CFAP20DC: variants seen among roughly 807,000 people sequenced by gnomAD.
CFAP20DC encodes the protein protein CFAP20DC.
Under a neutral mutation model 101.7 loss-of-function variants are expected in CFAP20DC, and 84 were observed. That is an observed-to-expected ratio of 0.83 (90% CI 0.69 to 0.99). The LOEUF is 0.99. CFAP20DC is among the 50% of genes least tolerant of loss of function. The pLI is 0.00. For synonymous variants in CFAP20DC, 359 were observed against 351.2 expected (o/e 1.02, Z -0.25); for missense variants, 1,007 against 970.3 (o/e 1.04, Z -0.50).
At chr3:58,942,618 C>T (rs950678921) in intron 4 of CFAP20DC, among the ~76,000 whole-genome samples, 1 of 152,216 alleles carries the variant, frequency 6.6e-6, no homozygotes, top group Non-Finnish European at 1.5e-5. Flanking sequence ...ACCACCAGGG[C>T]CCTGGGTTTC....
chr3:58,871,363 G>A (rs58323663), intron 7 of CFAP20DC, among the ~76,000 whole-genome samples: 6,479 of 152,088 alleles, frequency 0.043, 460 homozygotes, highest in African/African-American at 0.15. Flanking sequence ...TAGGCAACAA[G>A]GAATCCCTGA....
At chr3:58,737,937 T>C (rs1426728550), downstream of CFAP20DC, among the ~76,000 whole-genome samples, 1 of 152,216 alleles carries the variant, frequency 6.6e-6, no homozygotes, top group Non-Finnish European at 1.5e-5. The surrounding 1 kb of genome is among the most constrained non-coding windows in gnomAD (Gnocchi z 4.1). Context: ...TGACAGGACT[T>C]CTCAATCTGA....
intron 4 of CFAP20DC, among the ~76,000 whole-genome samples, chr3:58,985,232 G>T (rs2086195): frequency 0.099 from 15,084 of 152,088 alleles, 2,474 homozygotes; most frequent in African/African-American, 0.34. Flanking sequence ...TGGGCCAATT[G>T]TGGTTCATTT....
chr3:58,818,707 C>A (rs1349656362), intron 14 of CFAP20DC, among the ~76,000 whole-genome samples: 3 of 119,600 alleles, frequency 2.5e-5, no homozygotes, highest in African/African-American at 1.0e-4. Flanking sequence ...CTTTAACACC[C>A]CACTGTCAAC....
At chr3:58,752,078 C>T (rs1346420113) in intron 16 of CFAP20DC, among the ~76,000 whole-genome samples, 1 of 152,162 alleles carries the variant, frequency 6.6e-6, no homozygotes, top group Non-Finnish European at 1.5e-5. Context: ...GATGGAAACA[C>T]TATCTCAGCA....
chr3:58,835,243 A>G (rs2076659138), intron 13 of CFAP20DC, among the ~76,000 whole-genome samples: 1 of 152,174 alleles, frequency 6.6e-6, no homozygotes, highest in African/African-American at 2.4e-5. Context: ...ATGTACTGTG[A>G]GAAATATGAC....
At chr3:58,862,742 A>G in intron 12 of CFAP20DC, 1 of 971,500 alleles carries the variant, frequency 1.0e-6, no homozygotes, top group Non-Finnish European at 1.2e-6. Context: ...CTATATAGAA[A>G]AGCTTTGTAC....
At chr3:59,047,087 T>A in intron 2 of CFAP20DC, 78 bp downstream of exon 2, 1 of 941,362 alleles carries the variant, frequency 1.1e-6, no homozygotes, top group Non-Finnish European at 1.6e-6. Flanking sequence ...GCTCTGAAAT[T>A]TGATCACGCC....
At chr3:58,800,104 G>A (rs2073577353) in intron 15 of CFAP20DC, among the ~76,000 whole-genome samples, 2 of 152,162 alleles carry the variant, frequency 1.3e-5, no homozygotes, top group Non-Finnish European at 1.5e-5. Context: ...CAAAAGCCAG[G>A]GTAAGCGTAA....
At chr3:58,995,057 C>G (rs764962471) in intron 4 of CFAP20DC, among the ~76,000 whole-genome samples, 1 of 152,086 alleles carries the variant, frequency 6.6e-6, no homozygotes, top group Non-Finnish European at 1.5e-5. Context: ...GTTTTTGAAA[C>G]GTTTTTCCTC....
chr3:58,898,161 A>T (rs890834817), intron 6 of CFAP20DC, among the ~76,000 whole-genome samples: 1 of 146,730 alleles, frequency 6.8e-6, no homozygotes, highest in South Asian at 2.1e-4. Context: ...CACTTGGTCT[A>T]TTCTGTTACT....
At chr3:58,979,621 T>C (rs903686681) in intron 4 of CFAP20DC, among the ~76,000 whole-genome samples, 3 of 152,154 alleles carry the variant, frequency 2.0e-5, no homozygotes, top group Non-Finnish European at 4.4e-5. Context: ...CTAAAGTATA[T>C]TGATCCTACC....
At position 58,897,683 on chromosome 3, in the gene CFAP20DC, T is replaced by G. The variant is rs540163575; in HGVS notation, c.551-12974A>C. ...AAATTCAGGATTGGGGAAATTCTTT[T>G]CTTAAGAATGTTGAATTTGTTTCCC... On this transcript the variant is annotated intron_variant, in intron 6 of 16. Coordinates refer to ENST00000482387, the MANE Select transcript of CFAP20DC (RefSeq NM_001394063.1). This position sits in a 1 kb window ranked among gnomAD's most constrained non-coding sequence, Gnocchi z 4.4. Among the ~76,000 whole-genome samples, 1 of 152,226 alleles carries G rather than the reference T, an allele frequency of 6.6e-6. No homozygotes were observed. The highest frequency in any genetic ancestry group is 2.4e-5 in the African/African-American group (1 of 41,456).
At chr3:58,825,792 T>C (rs750792388) in intron 14 of CFAP20DC, among the ~76,000 whole-genome samples, 5 of 152,214 alleles carry the variant, frequency 3.3e-5, no homozygotes, top group African/African-American at 9.6e-5. Context: ...TTAGAAACTT[T>C]GAAAAATTTG....
Position 59,007,537 on chromosome 3 carries a change from A to G in CFAP20DC, c.278+32020T>C, listed in dbSNP as rs1015922955. 6.6e-6 allele frequency among the ~76,000 whole-genome samples: 1 copy of G among 152,238 alleles called. No homozygotes were observed. Among genetic ancestry groups the G allele is most frequent in the Non-Finnish European group, 1.5e-5 (1 of 68,040 alleles). ...CTGAGTCTGTCCATGCGACAACTTC[A>G]CTGCTAGCATAACCAGCATTTGAGA... On this transcript the variant is annotated intron_variant, in intron 4 of 16. Transcript: ENST00000482387. The surrounding 1 kb of genome is among the most constrained non-coding windows in gnomAD (Gnocchi z 4.4).
At position 59,007,599 on chromosome 3, in the gene CFAP20DC, C is replaced by G. The variant is rs1188793483; in HGVS notation, c.278+31958G>C. ...CTAAACATGTCTACAACTAAGGACTCTCACAGAGCCTACATCACTGCCGTG... is the reference window on the plus strand; with the variant it reads ...CTAAACATGTCTACAACTAAGGACTGTCACAGAGCCTACATCACTGCCGTG... On this transcript the variant is annotated intron_variant, in intron 4 of 16. Transcript: ENST00000482387. This position sits in a 1 kb window ranked among gnomAD's most constrained non-coding sequence, Gnocchi z 4.4. Among the ~76,000 whole-genome samples the G allele has an allele frequency of 6.6e-6, 1 of 152,242 alleles. No homozygotes were observed. Among genetic ancestry groups the G allele is most frequent in the Non-Finnish European group, 1.5e-5 (1 of 68,040 alleles).
chr3:58,841,291 G>C (rs2077086184), intron 13 of CFAP20DC, among the ~76,000 whole-genome samples: 1 of 152,194 alleles, frequency 6.6e-6, no homozygotes, highest in Non-Finnish European at 1.5e-5. Context: ...GGTATTGTTG[G>C]AAAAACAGCT....
At chr3:58,763,886 A>C (rs1350296919) in intron 15 of CFAP20DC, among the ~76,000 whole-genome samples, 3 of 152,178 alleles carry the variant, frequency 2.0e-5, no homozygotes, top group Non-Finnish European at 4.4e-5. Flanking sequence ...GCTGCCTGAT[A>C]GTTCCTCTGG....
At chr3:58,782,318 C>A (rs1479435352) in intron 15 of CFAP20DC, among the ~76,000 whole-genome samples, 1 of 152,036 alleles carries the variant, frequency 6.6e-6, no homozygotes, top group African/African-American at 2.4e-5. Context: ...ACACCCAGAG[C>A]TAACATCATA....
Sources: allele counts gnomAD v4.1 joint callset (sites outside exome capture counted in the v4.1 genomes callset), GRCh38; gene constraint gnomAD v4.1.1; non-coding constraint Gnocchi (gnomAD v3.1); transcripts MANE v1.5; gene names NCBI Gene and HGNC (gene_info 2026-07-23, HGNC 2026-07-21).